GABBR2: variants seen among roughly 807,000 people sequenced by gnomAD.
GABBR2 encodes G-protein coupled receptor 51.
A neutral mutation model predicts 105.6 loss-of-function variants in GABBR2; 23 were observed. That is an observed-to-expected ratio of 0.22 (90% CI 0.16 to 0.31). The LOEUF is 0.31. GABBR2 is among the 10% of genes least tolerant of loss of function. GABBR2 has a pLI of 1.00. For synonymous variants in GABBR2, 478 were observed against 499.7 expected, an observed-to-expected ratio of 0.96 and a Z score of 0.58; for missense variants, 734 against 1,245.5, an observed-to-expected ratio of 0.59 and a Z score of 6.18.
chr9:98,313,367 T>C (rs1830664422), intron 13 of GABBR2, among the ~76,000 whole-genome samples: 1 of 152,212 alleles, frequency 6.6e-6, no homozygotes, highest in Admixed American at 6.5e-5. Flanking sequence ...TTGTCACTAC[T>C]TCTAAGCTCT....
chr9:98,341,376 G>T lies in GABBR2; in HGVS notation c.1893+21339C>A, dbSNP rs553972844. Among the ~76,000 whole-genome samples, 6 of 152,276 alleles carry T rather than the reference G, an allele frequency of 3.9e-5. No homozygotes were observed. The South Asian group carries it at 8.3e-4, about 21-fold the overall frequency. On this transcript the variant is annotated intron_variant, in intron 13 of 18. Transcript: ENST00000259455. ...TGGCATATCATTCCAATTAAATCTC[G>T]CCTGAAGTTCTTGTTTTAATAACTT...
At chr9:98,399,700 G>C (rs79218747) in intron 8 of GABBR2, among the ~76,000 whole-genome samples, 177 of 150,604 alleles carry the variant, frequency 1.2e-3, no homozygotes, top group African/African-American at 3.8e-3. Flanking sequence ...AAACCAAAAG[G>C]GTTTATCTAC....
chr9:98,393,274 C>A (rs563432033), intron 9 of GABBR2, among the ~76,000 whole-genome samples: 12 of 151,208 alleles, frequency 7.9e-5, no homozygotes, highest in Admixed American at 7.9e-4. Context: ...CACTCACCCA[C>A]CCACCCACAT....
intron 3 of GABBR2, among the ~76,000 whole-genome samples, chr9:98,508,601 G>T (rs989218294): frequency 5.3e-5 from 8 of 152,048 alleles, no homozygotes; most frequent in African/African-American, 1.7e-4. Context: ...AAAAAATGGC[G>T]CACCAGGAGA....
chr9:98,594,658 G>A (rs561853827), intron 1 of GABBR2, among the ~76,000 whole-genome samples: 1 of 152,336 alleles, frequency 6.6e-6, no homozygotes, highest in African/African-American at 2.4e-5. Context: ...GGCAAAATCT[G>A]AAGAGCAGCA....
At position 98,549,025 on chromosome 9, in the gene GABBR2, T is replaced by C. The variant is rs1346875886; in HGVS notation, c.460-6982A>G. ...ATCTCAGGTCACTGCAACCTCCGCC[T>C]CCCGATTGTTCAAGCGATTCTCCTG... On this transcript the variant is annotated intron_variant, in intron 2 of 18. Coordinates refer to ENST00000259455, the MANE Select transcript of GABBR2 (RefSeq NM_005458.8). 1.6e-5 allele frequency among the ~76,000 whole-genome samples: 2 copies of C among 121,590 alleles called. 1 individual carries two copies. The highest frequency in any genetic ancestry group is 5.3e-5 in the African/African-American group (2 of 37,966). The allele number at this position is 121,590 out of a possible 152,430, so 79.8% of individuals were successfully genotyped here.
intron 6 of GABBR2, among the ~76,000 whole-genome samples, chr9:98,464,465 T>G (rs1013628059): frequency 2.8e-5 from 4 of 143,616 alleles, no homozygotes; most frequent in Non-Finnish European, 6.0e-5. Flanking sequence ...GGAGCGCCTC[T>G]GCCTGGCCGC....
At chr9:98,447,827 G>A (rs1465217901) in intron 7 of GABBR2, among the ~76,000 whole-genome samples, 1 of 151,472 alleles carries the variant, frequency 6.6e-6, no homozygotes, top group Non-Finnish European at 1.5e-5. Context: ...TGGTGGGGTG[G>A]TGACTTGTCT....
chr9:98,537,589 A>G (rs1413753245), intron 3 of GABBR2, among the ~76,000 whole-genome samples: 2 of 151,170 alleles, frequency 1.3e-5, no homozygotes, highest in Non-Finnish European at 3.0e-5. Context: ...GTGCACCATC[A>G]TGCCCAGTTA....
chr9:98,630,092 G>A (rs1374721878), intron 1 of GABBR2, among the ~76,000 whole-genome samples: 1 of 151,968 alleles, frequency 6.6e-6, no homozygotes, highest in Admixed American at 6.6e-5. Context: ...TTCTCATTGT[G>A]AGCCCATGAA....
chr9:98,577,767 C>T (rs1276570038), intron 2 of GABBR2, among the ~76,000 whole-genome samples, 168 bp downstream of exon 2: 1 of 152,196 alleles, frequency 6.6e-6, no homozygotes, highest in African/African-American at 2.4e-5. Flanking sequence ...CTGTGGGGGC[C>T]ATGCCAAGTC....
intron 4 of GABBR2, 51 bp downstream of exon 4, chr9:98,496,362 C>T (rs1827278870): frequency 1.7e-6 from 2 of 1,173,826 alleles, no homozygotes; most frequent in Non-Finnish European, 2.6e-6. Context: ...ATTTGGGCAC[C>T]CAGGGCATTG....
At chr9:98,350,112 TTTTC>T (rs762177677) in intron 13 of GABBR2, among the ~76,000 whole-genome samples, 5 of 152,082 alleles carry the variant, frequency 3.3e-5, no homozygotes, top group Admixed American at 6.5e-5. Context: ...TTGTTTCTCA[TTTTC>T]TTTATTTTCA....
intron 1 of GABBR2, among the ~76,000 whole-genome samples, chr9:98,706,600 C>A (rs934056949): frequency 6.6e-6 from 1 of 152,196 alleles, no homozygotes; most frequent in Admixed American, 6.5e-5. Flanking sequence ...CACCCTGAAA[C>A]GAAGCACCCA....
Position 98,473,322 on chromosome 9 carries a change from T to C in GABBR2, c.823A>G (p.Ser275Gly). The change falls in exon 6 of 19, where the codon AGT becomes GGT. Residue 275 changes from serine (S) to glycine (G), a missense_variant. Coordinates refer to ENST00000259455, the MANE Select transcript of GABBR2 (RefSeq NM_005458.8). ...CCAYEENMYG[S>G]KYQWIIPGWY... is the part of the protein sequence containing the mutation. ...CCCGGAATGATCCACTGATATTTAC[T>C]ACCATACATGTTCTCCTCGTATGCC... 6.2e-7 allele frequency: 1 copy of C among 1,612,946 alleles called. No individual in the cohort carries two copies. The highest frequency in any genetic ancestry group is 8.5e-7 in the Non-Finnish European group (1 of 1,179,098).
intron 6 of GABBR2, among the ~76,000 whole-genome samples, chr9:98,469,446 C>G (rs1174331402): frequency 6.6e-6 from 1 of 152,208 alleles, no homozygotes; most frequent in Non-Finnish European, 1.5e-5. Context: ...TCATGAGAGC[C>G]TGGGTGGAGA....
chr9:98,314,656 T>C (rs914616967), intron 13 of GABBR2, among the ~76,000 whole-genome samples: 1 of 152,152 alleles, frequency 6.6e-6, no homozygotes, highest in Non-Finnish European at 1.5e-5. Flanking sequence ...AGCCTTCTCC[T>C]CCTGGACCTC....
intron 16 of GABBR2, among the ~76,000 whole-genome samples, chr9:98,299,878 A>G (rs571006600): frequency 2.6e-5 from 4 of 152,072 alleles, no homozygotes; most frequent in Non-Finnish European, 4.4e-5. Flanking sequence ...TAATATTACT[A>G]TTATTACAGG....
intron 1 of GABBR2, among the ~76,000 whole-genome samples, chr9:98,633,976 G>C (rs1224774383): frequency 6.6e-6 from 1 of 152,206 alleles, no homozygotes; most frequent in Non-Finnish European, 1.5e-5. Context: ...GCTGTGGTCA[G>C]TTACACTGGC....
Sources: gnomAD v4.1 joint callset for allele counts (sites outside exome capture counted in the v4.1 genomes callset) on GRCh38, gnomAD v4.1.1 for gene constraint, MANE v1.5 for transcripts, NCBI Gene and HGNC (gene_info 2026-07-23, HGNC 2026-07-21) for gene names.